The following DPP10 variants were observed in gnomAD, a reference collection of about 807,000 sequenced individuals.
DPP10 encodes the protein dipeptidyl peptidase like 10, also known as inactive dipeptidyl peptidase 10.
Under a neutral mutation model 120.9 loss-of-function variants are expected in DPP10, and 33 were observed. The observed-to-expected ratio is 0.27, with a 90% CI of 0.21 to 0.37. The LOEUF is 0.37. DPP10 is among the 10% of genes least tolerant of loss of function. DPP10 has a pLI of 1.00. For synonymous variants in DPP10, 337 were observed against 326.1 expected (o/e 1.03, Z -0.36); for missense variants, 816 against 942.8 (o/e 0.87, Z 1.76).
At chr2:115,106,585 C>T (rs1030915637) in intron 1 of DPP10, among the ~76,000 whole-genome samples, 2 of 152,102 alleles carry the variant, frequency 1.3e-5, no homozygotes, top group East Asian at 1.9e-4. Flanking sequence ...CTCAGCTCCC[C>T]GAGTAGCTGG....
chr2:115,380,500 T>A (rs1166284194), intron 3 of DPP10, among the ~76,000 whole-genome samples: 1 of 152,192 alleles, frequency 6.6e-6, no homozygotes, highest in Non-Finnish European at 1.5e-5. Context: ...TCTTGACTCT[T>A]TATCCAGTTT....
intron 1 of DPP10, among the ~76,000 whole-genome samples, chr2:114,618,076 G>C (rs895966936): frequency 1.1e-4 from 17 of 152,070 alleles, no homozygotes; most frequent in African/African-American, 2.7e-4. Flanking sequence ...AGGTCTCCAT[G>C]ATGGGCCAAA....
intron 1 of DPP10, among the ~76,000 whole-genome samples, chr2:114,988,429 T>C (rs1700558895): frequency 6.6e-6 from 1 of 152,214 alleles, no homozygotes; most frequent in East Asian, 1.9e-4. Flanking sequence ...AAGCCAAGAC[T>C]CTTCCTTCTG....
At chr2:114,738,695 T>A (rs762419809) in intron 1 of DPP10, among the ~76,000 whole-genome samples, 1 of 152,156 alleles carries the variant, frequency 6.6e-6, no homozygotes, top group African/African-American at 2.4e-5. Context: ...GGTAGAACAT[T>A]TGAGGTGGAC....
intron 1 of DPP10, among the ~76,000 whole-genome samples, chr2:114,830,727 A>G: frequency 6.6e-6 from 1 of 152,180 alleles, no homozygotes; most frequent in Admixed American, 6.6e-5. Context: ...CCATATGTAT[A>G]GAAAAGTTTA....
At chr2:115,542,076 G>A (rs2079204230) in intron 5 of DPP10, among the ~76,000 whole-genome samples, 1 of 151,846 alleles carries the variant, frequency 6.6e-6, no homozygotes, top group Admixed American at 6.6e-5. Context: ...TACAATTATA[G>A]ATCTTAAACC....
chr2:114,841,401 A>G (rs1351867881), intron 1 of DPP10, among the ~76,000 whole-genome samples: 1 of 152,196 alleles, frequency 6.6e-6, no homozygotes, highest in Non-Finnish European at 1.5e-5. Context: ...CTTTTGGGGT[A>G]AGACTATGGT....
intron 1 of DPP10, among the ~76,000 whole-genome samples, chr2:114,499,146 G>A (rs1682935304): frequency 6.6e-6 from 1 of 152,122 alleles, no homozygotes; most frequent in Non-Finnish European, 1.5e-5. Flanking sequence ...GCTATTCATG[G>A]GTATGATACA....
chr2:115,242,077 T>G (rs764613330), intron 1 of DPP10, among the ~76,000 whole-genome samples: 1 of 152,088 alleles, frequency 6.6e-6, no homozygotes, highest in Non-Finnish European at 1.5e-5. Context: ...TAGTGGTGAT[T>G]TGTGAGATTT....
intron 1 of DPP10, among the ~76,000 whole-genome samples, chr2:114,970,998 C>G (rs1338397687): frequency 2.0e-5 from 3 of 152,164 alleles, no homozygotes; most frequent in Non-Finnish European, 4.4e-5. Context: ...ATAGACAACT[C>G]AATTAGGTAA....
chr2:115,695,310 A>G (rs2091524335), intron 7 of DPP10, among the ~76,000 whole-genome samples: 1 of 152,170 alleles, frequency 6.6e-6, no homozygotes, highest in African/African-American at 2.4e-5. Context: ...CAAAAACATA[A>G]AATAGAAAAC....
intron 1 of DPP10, among the ~76,000 whole-genome samples, chr2:114,920,573 G>A (rs2106636380): frequency 6.6e-6 from 1 of 152,326 alleles, no homozygotes; most frequent in African/African-American, 2.4e-5. Context: ...ATAGCCTGTG[G>A]TGAGATAAAA....
intron 1 of DPP10, among the ~76,000 whole-genome samples, chr2:115,267,092 C>T (rs2059493249): frequency 6.6e-6 from 1 of 152,152 alleles, no homozygotes; most frequent in African/African-American, 2.4e-5. Flanking sequence ...TACAGCTTTG[C>T]TCTAGAGTCT....
At chr2:114,644,374 G>C (rs1695959594) in intron 1 of DPP10, among the ~76,000 whole-genome samples, 1 of 151,662 alleles carries the variant, frequency 6.6e-6, no homozygotes, top group Non-Finnish European at 1.5e-5. Context: ...GTCTGTGTGT[G>C]TGTGTATTAT....
intron 1 of DPP10, among the ~76,000 whole-genome samples, chr2:114,824,920 T>G (rs1240412754): frequency 1.3e-5 from 2 of 152,166 alleles, no homozygotes; most frequent in Non-Finnish European, 2.9e-5. Context: ...AATAATAAGA[T>G]GAAACCCTGG....
At chr2:115,762,704 A>C (rs1680262917) in intron 12 of DPP10, 94 bp downstream of exon 12, 1 of 1,436,290 alleles carries the variant, frequency 7.0e-7, no homozygotes, top group East Asian at 2.3e-5. Context: ...GTATGAGTTT[A>C]AGGCTTTGCT....
intron 1 of DPP10, among the ~76,000 whole-genome samples, chr2:114,663,694 G>GAGAGAGAGAGAGAGAGAGAGAGAA (rs1697668264): frequency 1.4e-5 from 2 of 148,002 alleles, no homozygotes; most frequent in African/African-American, 5.1e-5. Flanking sequence ...GAGAGAGAGA[G>GAGAGAGAGAGAGAGAGAGAGAGAA]AGAAACTGAC....
At position 115,419,397 on chromosome 2, in the gene DPP10, G is replaced by C. The variant is rs137911859; in HGVS notation, c.271+75485G>C. On this transcript the variant is annotated intron_variant, in intron 3 of 25. Coordinates refer to ENST00000410059, the MANE Select transcript of DPP10 (RefSeq NM_020868.6). ...CATGGCAGAAGGAAAAGGGGAGCAG[G>C]CATGTCATACAGCAAGAGAGACAGC... is the stretch of plus-strand genomic sequence containing the variant. 3.5e-3 allele frequency among the ~76,000 whole-genome samples: 536 copies of C among 152,214 alleles called. 3 individuals are homozygous for C. The highest frequency in any genetic ancestry group is 6.8e-3 in the Middle Eastern group (2 of 294).
In DPP10 at chr2:114,660,150, A is replaced by T. The variant is rs149464235; in HGVS notation, c.60+217312A>T. On this transcript the variant is annotated intron_variant, in intron 1 of 25. Coordinates refer to ENST00000410059, the MANE Select transcript of DPP10 (RefSeq NM_020868.6). ...AGCTGGTATAGGAAGCTGGTACAGG[A>T]GCCAAGAAACAGGGAAGGAAATAGG... is the stretch of plus-strand genomic sequence containing the variant. 4.3e-3 allele frequency among the ~76,000 whole-genome samples: 648 copies of T among 152,354 alleles called. 4 individuals are homozygous for T. The highest frequency in any genetic ancestry group is 0.015 in the African/African-American group (624 of 41,584).
Sources: allele counts gnomAD v4.1 joint callset (sites outside exome capture counted in the v4.1 genomes callset), GRCh38; gene constraint gnomAD v4.1.1; transcripts MANE v1.5; gene names NCBI Gene and HGNC (gene_info 2026-07-23, HGNC 2026-07-21).